The following EPAS1 variants were observed in gnomAD, a reference collection of about 807,000 sequenced individuals.
EPAS1 encodes endothelial PAS domain-containing protein 1.
EPAS1 carries 23 observed loss-of-function variants against 87.9 expected under a neutral mutation model. The ratio of observed to expected loss-of-function variants is 0.26; its 90% CI spans 0.19 to 0.37. EPAS1 has a LOEUF of 0.37. EPAS1 is among the 10% of genes least tolerant of loss of function. The pLI is 1.00. For missense variants in EPAS1, 1,138 were observed against 1,120.7 expected, an observed-to-expected ratio of 1.02 and a Z score of -0.22; for synonymous variants, 508 against 444.3, an observed-to-expected ratio of 1.14 and a Z score of -1.80.
At chr2:46,351,851 C>A (rs1164022771) in intron 2 of EPAS1, among the ~76,000 whole-genome samples, 2 of 152,202 alleles carry the variant, frequency 1.3e-5, no homozygotes, top group Admixed American at 1.3e-4. Context: ...TCAGGAGCCT[C>A]TGCTCTGCCA....
At chr2:46,384,410 T>G in intron 15 of EPAS1, 99 bp from the exon 16 acceptor site, 2 of 1,541,482 alleles carry the variant, frequency 1.3e-6, no homozygotes, top group South Asian at 2.2e-5. Flanking sequence ...AGAGTGAAAT[T>G]AGGGCTGCTC....
In EPAS1 at chr2:46,361,168, AG is replaced by A. The variant is rs1020747550; in HGVS notation, c.779+80del. The A allele has an allele frequency of 2.7e-6, 4 of 1,493,636 alleles. No homozygotes were observed. In the African/African-American group the frequency reaches 5.5e-5, roughly 21 times the overall value. 92.5% of individuals were successfully genotyped at this position (1,493,636 alleles called of 1,614,324 possible). ...GTGTGGGGAGTTGTGCCTGTATTAAAGGTGTGGAACTGAACATAGACGTGGT... is the reference window on the plus strand; with the variant it reads ...GTGTGGGGAGTTGTGCCTGTATTAAAGTGTGGAACTGAACATAGACGTGGT... On this transcript the variant is annotated intron_variant, in intron 6 of 15. Transcript: ENST00000263734.
intron 7 of EPAS1, among the ~76,000 whole-genome samples, chr2:46,374,565 G>T (rs1684697290): frequency 6.6e-6 from 1 of 152,104 alleles, no homozygotes; most frequent in South Asian, 2.1e-4. Flanking sequence ...GTTTTGCAGA[G>T]GAGGAAACCA....
intron 1 of EPAS1, among the ~76,000 whole-genome samples, chr2:46,341,580 T>G (rs907910111): frequency 2.0e-5 from 3 of 152,230 alleles, no homozygotes; most frequent in African/African-American, 7.2e-5. Context: ...TCACACCAAC[T>G]CCTAGATAAA....
In EPAS1 at chr2:46,361,039, C is replaced by A. The variant is rs1255420619; in HGVS notation, c.728C>A (p.Thr243Asn). The A allele has an allele frequency of 6.2e-7, 1 of 1,614,170 alleles. No homozygotes were observed. The highest frequency in any genetic ancestry group is 8.5e-7 in the Non-Finnish European group (1 of 1,180,036). ...SHMDIPLDSK[T>N]FLSRHSMDMK... Reference sequence around the variant, plus strand: ...ATGGACATCCCCCTGGATAGCAAGACCTTCCTGAGCCGCCACAGCATGGAC... The same window carrying A: ...ATGGACATCCCCCTGGATAGCAAGAACTTCCTGAGCCGCCACAGCATGGAC... The change falls in exon 6 of 16, where the codon ACC becomes AAC. Residue 243 changes from threonine to asparagine, a missense_variant. Thr to Asn is a moderately conservative substitution (Grantham distance 65). This residue lies in a region of EPAS1 where 351 missense variants were observed against 417.1 expected (regional missense o/e 0.84). Transcript: ENST00000263734.
chr2:46,356,108 A>G, intron 2 of EPAS1, 43 bp from the exon 3 acceptor site: 2 of 1,465,492 alleles, frequency 1.4e-6, no homozygotes, highest in Non-Finnish European at 1.9e-6. Flanking sequence ...ATCTGTTTTC[A>G]CTCCACATTC....
At position 46,385,168 on chromosome 2, in the gene EPAS1, C is replaced by G. The variant is rs767873418; in HGVS notation, c.*508C>G. Reference sequence around the variant, plus strand: ...TCTCGTTTCTTTTTTAAACTAATCACCATATTGTAAATTTCAGGGTTTTTT... The same window carrying G: ...TCTCGTTTCTTTTTTAAACTAATCAGCATATTGTAAATTTCAGGGTTTTTT... On this transcript the variant is annotated 3_prime_UTR_variant, in exon 16 of 16. Transcript: ENST00000263734. 6.8e-6 allele frequency: 1 copy of G among 146,266 alleles called. No homozygotes were observed. The highest frequency in any genetic ancestry group is 1.4e-5 in the Non-Finnish European group (1 of 69,036). The allele number at this position is 146,266 out of a possible 1,614,324, so 9.1% of individuals were successfully genotyped here. A position where few individuals can be genotyped will look rare whatever the true frequency, so the allele number is the denominator to read the frequency against.
At chr2:46,304,804 G>T (rs1683076400) in intron 1 of EPAS1, among the ~76,000 whole-genome samples, 1 of 151,862 alleles carries the variant, frequency 6.6e-6, no homozygotes, top group Non-Finnish European at 1.5e-5. Flanking sequence ...AGATGCACAG[G>T]ACTTCCTGTG....
intron 1 of EPAS1, among the ~76,000 whole-genome samples, chr2:46,333,531 G>A (rs1403445811): frequency 6.6e-6 from 1 of 152,098 alleles, no homozygotes; most frequent in Non-Finnish European, 1.5e-5. Flanking sequence ...CAGAAAGGAA[G>A]AAGCACTTCA....
chr2:46,357,701 C>T (rs1004670168), intron 4 of EPAS1, among the ~76,000 whole-genome samples: 5 of 152,114 alleles, frequency 3.3e-5, no homozygotes, highest in African/African-American at 1.2e-4. Context: ...GAAATGGTAC[C>T]CTGATGAGAC....
intron 6 of EPAS1, among the ~76,000 whole-genome samples, chr2:46,364,371 A>C (rs1165126286): frequency 6.6e-6 from 1 of 152,242 alleles, no homozygotes; most frequent in Non-Finnish European, 1.5e-5. Flanking sequence ...CTGAGACCAC[A>C]GACACAATCA....
chr2:46,300,596 A>G lies in EPAS1; in HGVS notation c.26+2659A>G, dbSNP rs1157705130. Among the ~76,000 whole-genome samples, 4 of 152,164 alleles carry G rather than the reference A, an allele frequency of 2.6e-5. No individual in the cohort carries two copies. Among genetic ancestry groups the G allele is most frequent in the Non-Finnish European group, 5.9e-5 (4 of 68,024 alleles). ...GAAGCCTGGTGGGTGGGGGTACTGC[A>G]CTTTCACTCACCTTTTTGTGCACGC... On this transcript the variant is annotated intron_variant, in intron 1 of 15. Transcript: ENST00000263734. This position sits in a 1 kb window ranked among gnomAD's most constrained non-coding sequence, Gnocchi z 4.1.
rs941568697 is a variant in EPAS1, at chr2:46,300,781, C to T, written c.26+2844C>T. On this transcript the variant is annotated intron_variant, in intron 1 of 15. Coordinates refer to ENST00000263734, the MANE Select transcript of EPAS1 (RefSeq NM_001430.5). This position sits in a 1 kb window ranked among gnomAD's most constrained non-coding sequence, Gnocchi z 4.1. ...GCCAGACCTAGGTCCAGACACCTTC[C>T]CAGAGTGCTTATACAGTAGTGCTCA... Among the ~76,000 whole-genome samples the T allele has an allele frequency of 6.6e-6, 1 of 152,134 alleles. No homozygotes were observed. Among genetic ancestry groups the T allele is most frequent in the African/African-American group, 2.4e-5 (1 of 41,420 alleles).
chr2:46,312,824 A>C (rs777820936), intron 1 of EPAS1, among the ~76,000 whole-genome samples: 2 of 152,206 alleles, frequency 1.3e-5, no homozygotes, highest in African/African-American at 2.4e-5. Context: ...AAAGGGTCTG[A>C]CCAGTTATGC....
chr2:46,328,282 C>T (rs1245598381), intron 1 of EPAS1, among the ~76,000 whole-genome samples: 1 of 152,184 alleles, frequency 6.6e-6, no homozygotes, highest in African/African-American at 2.4e-5. Context: ...TGAGTAGAGG[C>T]CACGATGGCA....
intron 6 of EPAS1, among the ~76,000 whole-genome samples, chr2:46,363,704 T>C (rs568746858): frequency 6.6e-6 from 1 of 152,316 alleles, no homozygotes; most frequent in East Asian, 1.9e-4. Flanking sequence ...TCAAGCCTCG[T>C]GATTTAGGGC....
intron 1 of EPAS1, among the ~76,000 whole-genome samples, chr2:46,298,774 C>A (rs1234265123): frequency 6.6e-6 from 1 of 152,218 alleles, no homozygotes; most frequent in African/African-American, 2.4e-5. Flanking sequence ...CGCCCTCTCC[C>A]GGCCGCTCCC....
Position 46,325,570 on chromosome 2 carries a change from AT to A in EPAS1, c.27-21302del, listed in dbSNP as rs562148984. Among the ~76,000 whole-genome samples the A allele has an allele frequency of 2.5e-3, 387 of 152,276 alleles. 1 individual carries two copies. The highest frequency in any genetic ancestry group is 9.1e-3 in the African/African-American group (380 of 41,552). Reference sequence around the variant, plus strand: ...GATAAGATCAGTGCAGGGTAATTGTATGGTAGCTAGTCAACCTTTCCATTGC... The same window carrying A: ...GATAAGATCAGTGCAGGGTAATTGTAGGTAGCTAGTCAACCTTTCCATTGC... On this transcript the variant is annotated intron_variant, in intron 1 of 15. Transcript: ENST00000263734.
At chr2:46,322,834 G>A (rs553007723) in intron 1 of EPAS1, among the ~76,000 whole-genome samples, 1 of 152,300 alleles carries the variant, frequency 6.6e-6, no homozygotes, top group Admixed American at 6.5e-5. Context: ...CCCCACGACA[G>A]GCAATATTAA....
Sources: allele counts gnomAD v4.1 joint callset (sites outside exome capture counted in the v4.1 genomes callset), GRCh38; gene constraint gnomAD v4.1.1; regional missense constraint gnomAD v4.1.1; non-coding constraint Gnocchi (gnomAD v3.1); transcripts MANE v1.5; gene names NCBI Gene and HGNC (gene_info 2026-07-23, HGNC 2026-07-21).